ST6GALNAC3: variants seen among roughly 807,000 people sequenced by gnomAD.
ST6GALNAC3 encodes the protein ST6 N-acetylgalactosaminide alpha-2,6-sialyltransferase 3.
ST6GALNAC3 carries 25 observed loss-of-function variants against 32.7 expected under a neutral mutation model. That is an observed-to-expected ratio of 0.76 (90% CI 0.56 to 1.07). ST6GALNAC3 has a LOEUF of 1.07. Ranked by LOEUF, ST6GALNAC3 falls within the 50% of genes least tolerant of loss-of-function variation. ST6GALNAC3 has a pLI of 0.00. For missense variants in ST6GALNAC3, 355 were observed against 382.4 expected, an observed-to-expected ratio of 0.93 and a Z score of 0.60; for synonymous variants, 129 against 133.1, an observed-to-expected ratio of 0.97 and a Z score of 0.21.
At chr1:76,397,638 T>A (rs1018312099) in intron 2 of ST6GALNAC3, among the ~76,000 whole-genome samples, 1 of 152,118 alleles carries the variant, frequency 6.6e-6, no homozygotes, top group African/African-American at 2.4e-5. Flanking sequence ...CCTCCCAAAG[T>A]GCTGGGATTA....
At chr1:76,162,671 A>G (rs562310827) in intron 1 of ST6GALNAC3, among the ~76,000 whole-genome samples, 58 of 152,312 alleles carry the variant, frequency 3.8e-4, no homozygotes, top group Non-Finnish European at 6.9e-4. Context: ...TAGAGTGGTG[A>G]GCACACCCAG....
intron 3 of ST6GALNAC3, among the ~76,000 whole-genome samples, chr1:76,559,294 C>T (rs1665108767): frequency 6.6e-6 from 1 of 152,108 alleles, no homozygotes. Context: ...ACCCTTCCAA[C>T]AAACGACGTT....
downstream of ST6GALNAC3, among the ~76,000 whole-genome samples, chr1:76,635,854 T>C (rs78960003): frequency 2.4e-3 from 370 of 152,272 alleles, 2 homozygotes; most frequent in African/African-American, 8.5e-3. Context: ...AAGTGATGTA[T>C]ATCACTCCAC....
intron 1 of ST6GALNAC3, among the ~76,000 whole-genome samples, chr1:76,215,438 C>G (rs1201916259): frequency 6.6e-6 from 1 of 152,098 alleles, no homozygotes; most frequent in Non-Finnish European, 1.5e-5. Flanking sequence ...GGGTTATTGC[C>G]AGAGATTAAT....
intron 3 of ST6GALNAC3, among the ~76,000 whole-genome samples, chr1:76,418,714 CA>C (rs1654817700): frequency 6.6e-6 from 1 of 151,934 alleles, no homozygotes. Context: ...ATCCCCATCC[CA>C]GCTGGTGTAT....
At chr1:76,294,141 G>A (rs1391213678) in intron 1 of ST6GALNAC3, among the ~76,000 whole-genome samples, 3 of 152,084 alleles carry the variant, frequency 2.0e-5, no homozygotes, top group Admixed American at 6.5e-5. Flanking sequence ...GAGTCTCATT[G>A]TTCCCACTAT....
chr1:76,186,608 A>G (rs950788844), intron 1 of ST6GALNAC3, among the ~76,000 whole-genome samples: 2 of 152,178 alleles, frequency 1.3e-5, no homozygotes, highest in Non-Finnish European at 2.9e-5. Flanking sequence ...GCTTATCTCC[A>G]TACAAACCTG....
chr1:76,267,540 T>C (rs912541281), intron 1 of ST6GALNAC3, among the ~76,000 whole-genome samples: 1 of 152,236 alleles, frequency 6.6e-6, no homozygotes, highest in Non-Finnish European at 1.5e-5. Context: ...CAGATTTTTT[T>C]GATAAATATA....
chr1:76,212,126 C>G (rs1295581926), intron 1 of ST6GALNAC3, among the ~76,000 whole-genome samples: 4 of 152,030 alleles, frequency 2.6e-5, no homozygotes, highest in Non-Finnish European at 2.9e-5. Flanking sequence ...CTTTTCTGTC[C>G]ATTTGGGCTC....
intron 3 of ST6GALNAC3, among the ~76,000 whole-genome samples, chr1:76,607,258 T>A (rs1054585393): frequency 3.9e-5 from 6 of 152,168 alleles, no homozygotes; most frequent in Admixed American, 3.9e-4. Context: ...TCCAAAACTT[T>A]CACATGTTCA....
At position 76,415,589 on chromosome 1, in the gene ST6GALNAC3, C is replaced by T. The variant is rs564377873; in HGVS notation, c.623+3172C>T. Among the ~76,000 whole-genome samples, 6 of 152,096 alleles carry T rather than the reference C, an allele frequency of 3.9e-5. No homozygotes were observed. In the South Asian group the frequency reaches 1.2e-3, roughly 32 times the overall value. On this transcript the variant is annotated intron_variant, in intron 3 of 4. Transcript: ENST00000328299. ...ATTGCCCTATTTTGGCCTATGGGAA[C>T]CTCTTCAAATTGGCTTTGAGTCCTT...
intron 2 of ST6GALNAC3, among the ~76,000 whole-genome samples, chr1:76,397,706 T>G (rs1460304468): frequency 6.6e-6 from 1 of 152,106 alleles, no homozygotes; most frequent in African/African-American, 2.4e-5. Context: ...CATTTGCATA[T>G]CTCTTACTCA....
In ST6GALNAC3 at chr1:76,469,319, T is replaced by A. The variant is rs538887525; in HGVS notation, c.623+56902T>A. ...TGTGGATTTGAGGGACGATATCTAA[T>A]AGTACAGAACATAGCATTGCTCCAG... On this transcript the variant is annotated intron_variant, in intron 3 of 4. Transcript: ENST00000328299. 1.0e-3 allele frequency among the ~76,000 whole-genome samples: 159 copies of A among 152,182 alleles called. 1 individual carries two copies. The highest frequency in any genetic ancestry group is 3.6e-3 in the African/African-American group (149 of 41,548).
At chr1:76,259,420 G>A (rs1453142598) in intron 1 of ST6GALNAC3, among the ~76,000 whole-genome samples, 1 of 152,162 alleles carries the variant, frequency 6.6e-6, no homozygotes, top group Non-Finnish European at 1.5e-5. Flanking sequence ...CTCGTTTCAT[G>A]TGACAATATC....
intron 1 of ST6GALNAC3, among the ~76,000 whole-genome samples, chr1:76,295,594 T>C (rs1660354744): frequency 6.6e-6 from 1 of 152,130 alleles, no homozygotes; most frequent in Non-Finnish European, 1.5e-5. Flanking sequence ...ATTCTTTTGG[T>C]TTTGTTCCCA....
intron 2 of ST6GALNAC3, among the ~76,000 whole-genome samples, chr1:76,329,820 A>T (rs556456341): frequency 1.4e-3 from 207 of 150,784 alleles, no homozygotes; most frequent in African/African-American, 4.6e-3. Context: ...TTATTTATTT[A>T]TTTTTTGAGA....
chr1:76,114,833 C>T (rs56352502), intron 1 of ST6GALNAC3, among the ~76,000 whole-genome samples: 9,567 of 150,566 alleles, frequency 0.064, 1,033 homozygotes, highest in African/African-American at 0.22. Context: ...GCGGGAGAAT[C>T]GCTTGAACCG....
At chr1:76,414,596 G>A (rs1477439535) in intron 3 of ST6GALNAC3, among the ~76,000 whole-genome samples, 1 of 151,996 alleles carries the variant, frequency 6.6e-6, no homozygotes, top group Admixed American at 6.6e-5. Flanking sequence ...GAAGGAAAAT[G>A]TCAAACTTAT....
At chr1:76,512,638 T>G (rs1369280814) in intron 3 of ST6GALNAC3, among the ~76,000 whole-genome samples, 1 of 152,128 alleles carries the variant, frequency 6.6e-6, no homozygotes, top group Non-Finnish European at 1.5e-5. Context: ...AATTGTCACC[T>G]ACTGTGCAAT....
Sources: allele counts gnomAD v4.1 joint callset (sites outside exome capture counted in the v4.1 genomes callset), GRCh38; gene constraint gnomAD v4.1.1; transcripts MANE v1.5; gene names NCBI Gene and HGNC (gene_info 2026-07-23, HGNC 2026-07-21).